OR7G2: variants seen among roughly 807,000 people sequenced by gnomAD.
OR7G2 encodes olfactory receptor family 7 subfamily G member 2.
For synonymous variants in OR7G2, 153 were observed against 152.2 expected, an observed-to-expected ratio of 1.01 and a Z score of -0.04; for missense variants, 362 against 384.0, an observed-to-expected ratio of 0.94 and a Z score of 0.48.
intron 1 of OR7G2, among the ~76,000 whole-genome samples, chr19:9,104,059 G>A (rs746809811): frequency 2.7e-5 from 4 of 150,220 alleles, no homozygotes; most frequent in Non-Finnish European, 5.9e-5. Flanking sequence ...TTTTTTTTTC[G>A]TATGTTTAGT....
At chr19:9,106,234 A>G (rs921864791) in intron 1 of OR7G2, among the ~76,000 whole-genome samples, 2 of 150,222 alleles carry the variant, frequency 1.3e-5, no homozygotes, top group Non-Finnish European at 3.0e-5. Flanking sequence ...CCTGGCCAAT[A>G]TGGCGAAACC....
At chr19:9,104,038 T>A (rs1361733504) in intron 1 of OR7G2, among the ~76,000 whole-genome samples, 4 of 150,336 alleles carry the variant, frequency 2.7e-5, no homozygotes, top group Non-Finnish European at 5.9e-5. Context: ...TTTGGCTAAT[T>A]AAAAAAAAAT....
intron 1 of OR7G2, among the ~76,000 whole-genome samples, chr19:9,106,445 A>G (rs2050386733): frequency 7.0e-6 from 1 of 142,988 alleles, no homozygotes; most frequent in Non-Finnish European, 1.5e-5. Context: ...AAAAAAATTC[A>G]CACAATTCAC....
rs747412821 is a variant in OR7G2, at chr19:9,102,472, C to T, written c.772G>A (p.Val258Met). 3 of 1,613,892 alleles carry T rather than the reference C, an allele frequency of 1.9e-6. No homozygotes were observed. Among genetic ancestry groups the T allele is most frequent in the Non-Finnish European group, 2.5e-6 (3 of 1,179,820 alleles). Residue 258 changes from valine (V) to methionine (M), a missense_variant, in exon 2 of 2, where the codon GTG becomes ATG. By Grantham distance (21) the Val-to-Met change is conservative. Transcript: ENST00000641081. ...VLLFYGAGLG[V>M]YISSVVTDSP... ...TCAGTAACCACAGAACTAATGTACA[C>T]CCCCAAACCTGCCCCATAGAACAAG... is the stretch of plus-strand genomic sequence containing the variant.
Position 9,102,506 on chromosome 19 carries a change from G to A in OR7G2, c.738C>T (p.Ser246=), listed in dbSNP as rs1568299039. Residue 246 remains serine, a synonymous_variant, in exon 2 of 2, where the codon TCC becomes TCT. Coordinates refer to ENST00000641081, the MANE Select transcript of OR7G2 (RefSeq NM_001005193.2). ...KAVSTCGSHL[S]IVLLFYGAGL... is the part of the protein sequence containing the mutation. ...CTGCCCCATAGAACAAGAGAACAATGGAGAGGTGAGACCCACAGGTGGAAA... is the reference window on the plus strand; with the variant it reads ...CTGCCCCATAGAACAAGAGAACAATAGAGAGGTGAGACCCACAGGTGGAAA... 6.2e-7 allele frequency: 1 copy of A among 1,614,144 alleles called. No homozygotes were observed. The highest frequency in any genetic ancestry group is 1.3e-5 in the African/African-American group (1 of 75,050).
rs145420428 is a variant in OR7G2, at chr19:9,102,966, G to A, written c.278C>T (p.Thr93Met). The A allele has an allele frequency of 4.2e-5, 67 of 1,614,056 alleles. No individual in the cohort carries two copies. In the African/African-American group the frequency reaches 6.4e-4, roughly 15 times the overall value. ...VNIQAQNRSI[T>M]YSGCLTQICF... ...GATCTGGGTGAGGCAGCCTGAGTACGTGATGCTCCGATTCTGAGCTTGGAT... is the reference window on the plus strand; with the variant it reads ...GATCTGGGTGAGGCAGCCTGAGTACATGATGCTCCGATTCTGAGCTTGGAT... The change falls in exon 2 of 2, where the codon ACG (threonine) becomes ATG (methionine). Residue 93 changes from threonine to methionine, a missense_variant. Transcript: ENST00000641081.
rs1398958703 is a variant in OR7G2 at position 9,101,749 on chromosome 19, T to A, written c.*520A>T. On this transcript the variant is annotated 3_prime_UTR_variant, in exon 2 of 2. Coordinates refer to ENST00000641081, the MANE Select transcript of OR7G2 (RefSeq NM_001005193.2). ...AAATAAATAACTTGGGCTCAGCCTC[T>A]GAGTCTATGGCCTGAGCAAAGAAAT... The A allele has an allele frequency of 6.6e-6, 1 of 152,508 alleles. No homozygotes were observed. The highest frequency in any genetic ancestry group is 1.9e-4 in the East Asian group (1 of 5,182). 9.4% of individuals were successfully genotyped at this position (152,508 alleles called of 1,614,324 possible).
intron 1 of OR7G2, among the ~76,000 whole-genome samples, chr19:9,103,675 T>TTGTGTGTGTGTG (rs371933843): frequency 2.1e-5 from 3 of 142,386 alleles, no homozygotes; most frequent in Non-Finnish European, 4.6e-5. Context: ...CTGGCTAATT[T>TTGTGTGTGTGTG]TGTGTGTGTG....
intron 1 of OR7G2, among the ~76,000 whole-genome samples, chr19:9,106,082 G>A (rs369041478): frequency 1.1e-4 from 17 of 152,040 alleles, no homozygotes; most frequent in Admixed American, 6.6e-4. Flanking sequence ...CAGAAAGTAC[G>A]GAGAATAATG....
chr19:9,103,264 T>A lies in OR7G2; in HGVS notation c.-16-5A>T. ...TCCATGCTGTTGATGATGAATCTGATGGAAAAGATAATAAAATCTGTAAGC... is the reference window on the plus strand; with the variant it reads ...TCCATGCTGTTGATGATGAATCTGAAGGAAAAGATAATAAAATCTGTAAGC... On this transcript the variant is annotated splice_region_variant and splice_polypyrimidine_tract_variant and intron_variant, in intron 1 of 1. Coordinates refer to ENST00000641081, the MANE Select transcript of OR7G2 (RefSeq NM_001005193.2). 6.2e-7 allele frequency: 1 copy of A among 1,613,894 alleles called. No individual in the cohort carries two copies. Among genetic ancestry groups the A allele is most frequent in the South Asian group, 1.1e-5 (1 of 91,086 alleles).
chr19:9,102,039 C>T lies in OR7G2; in HGVS notation c.*230G>A. 1 of 440,242 alleles carries T rather than the reference C, an allele frequency of 2.3e-6. No homozygotes were observed. The highest frequency in any genetic ancestry group is 4.0e-6 in the Non-Finnish European group (1 of 249,836). 27.3% of individuals were successfully genotyped at this position (440,242 alleles called of 1,614,324 possible). A position where few individuals can be genotyped will look rare whatever the true frequency, so the allele number is the denominator to read the frequency against. On this transcript the variant is annotated 3_prime_UTR_variant, in exon 2 of 2. Transcript: ENST00000641081. ...CCAACATGGTGAAACTCTATCTCTA[C>T]TAAAAATACAAAAATTAGCCAGGCA...
In OR7G2 at chr19:9,106,048, T is replaced by C. The variant is rs12609127; in HGVS notation, c.-17+1266A>G. 1.2e-4 allele frequency among the ~76,000 whole-genome samples: 19 copies of C among 152,228 alleles called. No individual in the cohort carries two copies. The East Asian group carries it at 3.7e-3, about 29-fold the overall frequency. ...TGCACAGATATATTCATTTTTATTA[T>C]AGATTATTCATGTGTGAATTATTCA... On this transcript the variant is annotated intron_variant, in intron 1 of 1. Transcript: ENST00000641081.
At chr19:9,104,594 G>A (rs1349226052) in intron 1 of OR7G2, among the ~76,000 whole-genome samples, 1 of 151,996 alleles carries the variant, frequency 6.6e-6, no homozygotes, top group Non-Finnish European at 1.5e-5. Context: ...TTGGGAGGCC[G>A]AGGCGGGCAG....
rs115501855 is a variant in OR7G2 at position 9,105,382 on chromosome 19, C to T, written c.-17+1932G>A. ...AAACATGATTATCCACATCAAAAAA[C>T]TTATCCACCACTATCAAATAGACTT... On this transcript the variant is annotated intron_variant, in intron 1 of 1. Coordinates refer to ENST00000641081, the MANE Select transcript of OR7G2 (RefSeq NM_001005193.2). Among the ~76,000 whole-genome samples the T allele has an allele frequency of 9.6e-3, 1,468 of 152,260 alleles. 29 individuals carry two copies. The highest frequency in any genetic ancestry group is 0.033 in the African/African-American group (1,361 of 41,546).
At chr19:9,103,675 T>TTGTGTG (rs371933843) in intron 1 of OR7G2, among the ~76,000 whole-genome samples, 1 of 142,386 alleles carries the variant, frequency 7.0e-6, no homozygotes, top group Admixed American at 7.1e-5. Flanking sequence ...CTGGCTAATT[T>TTGTGTG]TGTGTGTGTG....
intron 1 of OR7G2, among the ~76,000 whole-genome samples, chr19:9,106,242 AC>A (rs780585913): frequency 6.8e-6 from 1 of 147,626 alleles, no homozygotes; most frequent in South Asian, 2.2e-4. Context: ...ATATGGCGAA[AC>A]CCCGTCTTTA....
Position 9,101,778 on chromosome 19 carries a change from G to A in OR7G2, c.*491C>T, listed in dbSNP as rs2050355459. 1 of 153,890 alleles carries A rather than the reference G, an allele frequency of 6.5e-6. No homozygotes were observed. The highest frequency in any genetic ancestry group is 6.4e-5 in the Admixed American group (1 of 15,610). The allele number at this position is 153,890 out of a possible 1,614,324, so 9.5% of individuals were successfully genotyped here. ...TCTATGGCCTGAGCAAAGAAATTGA[G>A]TCTAGAGAATTAAAATCACATGTCC... On this transcript the variant is annotated 3_prime_UTR_variant, in exon 2 of 2. Transcript: ENST00000641081.
At chr19:9,106,747 A>AAG (rs2050388687) in intron 1 of OR7G2, among the ~76,000 whole-genome samples, 1 of 151,962 alleles carries the variant, frequency 6.6e-6, no homozygotes, top group Non-Finnish European at 1.5e-5. Flanking sequence ...AAAAAAAAAA[A>AAG]AAAAAAAGTG....
At position 9,102,413 on chromosome 19, in the gene OR7G2, C is replaced by T. The variant is rs2050359359; in HGVS notation, c.831G>A (p.Met277Ile). Residue 277 changes from methionine (M) to isoleucine (I), a missense_variant, in exon 2 of 2, where the codon ATG becomes ATA. Met to Ile is a conservative substitution (Grantham distance 10). Coordinates refer to ENST00000641081, the MANE Select transcript of OR7G2 (RefSeq NM_001005193.2). ...SPRKTAVASVMYSVFPQMVNP... is the reference protein window; with the variant it reads ...SPRKTAVASVIYSVFPQMVNP... ...TCACCATTTGAGGGAACACAGAATA[C>T]ATCACTGAAGCCACTGCAGTCTTCC... 1.2e-6 allele frequency: 2 copies of T among 1,613,904 alleles called. No homozygotes were observed. The highest frequency in any genetic ancestry group is 1.3e-5 in the African/African-American group (1 of 74,918).
Sources: gnomAD v4.1 joint callset for allele counts (sites outside exome capture counted in the v4.1 genomes callset) on GRCh38, gnomAD v4.1.1 for gene constraint, MANE v1.5 for transcripts, NCBI Gene and HGNC (gene_info 2026-07-23, HGNC 2026-07-21) for gene names.